The following CNTN6 variants were observed in gnomAD, a reference collection of about 807,000 sequenced individuals.
CNTN6 encodes contactin 6.
In CNTN6, 137 loss-of-function variants were observed where a neutral mutation model predicts 122.8. The observed-to-expected ratio is 1.12, with a 90% CI of 0.97 to 1.29. The LOEUF (loss-of-function observed/expected upper bound fraction) is 1.29, where lower values mean the gene tolerates loss of function less well. Ranked by LOEUF, CNTN6 falls within the 50% of genes most tolerant of loss-of-function variation. The probability of loss-of-function intolerance (pLI) is 0.00; values close to 1 mark genes in which losing one functional copy is unlikely to be tolerated. For missense variants in CNTN6, 1,634 were observed against 1,223.4 expected (o/e 1.34, Z -5.01); for synonymous variants, 570 against 426.0 (o/e 1.34, Z -4.16).
At chr3:1,305,722 AT>A (rs144099783) in intron 7 of CNTN6, among the ~76,000 whole-genome samples, 22,214 of 152,130 alleles carry the variant, frequency 0.15, 1,939 homozygotes, top group African/African-American at 0.25. Context: ...TGGAATGTAA[AT>A]AACATTAGTA....
At chr3:1,403,234 G>C in intron 22 of CNTN6, 84 bp from the exon 23 acceptor site, 1 of 741,386 alleles carries the variant, frequency 1.3e-6, no homozygotes, top group Non-Finnish European at 2.3e-6. Flanking sequence ...AGAAATGATA[G>C]TATGAAATTG....
At chr3:1,099,333 C>A (rs1463085360) in intron 1 of CNTN6, among the ~76,000 whole-genome samples, 1 of 151,824 alleles carries the variant, frequency 6.6e-6, no homozygotes, top group Non-Finnish European at 1.5e-5. Context: ...CGCCTGTAGT[C>A]CCAGCTACTG....
chr3:1,272,675 C>G (rs906343194), intron 4 of CNTN6, among the ~76,000 whole-genome samples: 1 of 152,086 alleles, frequency 6.6e-6, no homozygotes, highest in African/African-American at 2.4e-5. Flanking sequence ...TCAATGGACC[C>G]TGGGTACCCA....
At chr3:1,233,652 G>A (rs977923163) in intron 4 of CNTN6, among the ~76,000 whole-genome samples, 17 of 146,984 alleles carry the variant, frequency 1.2e-4, no homozygotes, top group African/African-American at 3.0e-4. Context: ...GGAGAATCGC[G>A]TGAACCCGGG....
At chr3:1,239,198 G>A (rs1043685207) in intron 4 of CNTN6, among the ~76,000 whole-genome samples, 8 of 152,098 alleles carry the variant, frequency 5.3e-5, no homozygotes, top group African/African-American at 7.2e-5. Flanking sequence ...GAAATAAAGC[G>A]TGTCCAAATT....
At chr3:1,238,900 A>G (rs1382547688) in intron 4 of CNTN6, among the ~76,000 whole-genome samples, 1 of 152,226 alleles carries the variant, frequency 6.6e-6, no homozygotes, top group Non-Finnish European at 1.5e-5. Flanking sequence ...TAGTGAGATT[A>G]ACCAAGAAAA....
intron 1 of CNTN6, among the ~76,000 whole-genome samples, chr3:1,100,362 G>A (rs1164578704): frequency 6.6e-6 from 1 of 152,146 alleles, no homozygotes; most frequent in Non-Finnish European, 1.5e-5. Context: ...TTTTGCTCAT[G>A]AGGGGACTGT....
intron 7 of CNTN6, among the ~76,000 whole-genome samples, chr3:1,316,403 A>C (rs527762347): frequency 6.6e-6 from 1 of 151,594 alleles, no homozygotes; most frequent in African/African-American, 2.4e-5. Context: ...AGCAGAAGGA[A>C]GAGAGAGAGA....
At chr3:1,253,285 T>C (rs2094700252) in intron 4 of CNTN6, among the ~76,000 whole-genome samples, 1 of 152,178 alleles carries the variant, frequency 6.6e-6, no homozygotes, top group South Asian at 2.1e-4. Flanking sequence ...GCATACATTT[T>C]TATTATTCAT....
intron 17 of CNTN6, 39 bp from the exon 18 acceptor site, chr3:1,382,903 T>A: frequency 7.4e-7 from 1 of 1,351,324 alleles, no homozygotes; most frequent in South Asian, 1.2e-5. Flanking sequence ...AATAAAATAT[T>A]TTTGCAAATA....
chr3:1,383,072 A>G lies in CNTN6; in HGVS notation c.2297A>G (p.Glu766Gly). 6.2e-7 allele frequency: 1 copy of G among 1,614,062 alleles called. No individual in the cohort carries two copies. Among genetic ancestry groups the G allele is most frequent in the Non-Finnish European group, 8.5e-7 (1 of 1,179,932 alleles). ...TCATCAAGGTTTGTCTACAGAAATGAAAGCATCATCCCACTGTCTCCCTTT... is the reference window on the plus strand; with the variant it reads ...TCATCAAGGTTTGTCTACAGAAATGGAAGCATCATCCCACTGTCTCCCTTT... ...VESSRFVYRN[E>G]SIIPLSPFEV... The change falls in exon 18 of 23, where the codon GAA (glutamate) becomes GGA (glycine). Residue 766 changes from glutamate (E) to glycine (G), a missense_variant. By Grantham distance (98) the Glu-to-Gly change is moderately conservative. Coordinates refer to ENST00000446702, the MANE Select transcript of CNTN6 (RefSeq NM_001289080.2).
At chr3:1,210,831 T>C (rs2094026246) in intron 2 of CNTN6, among the ~76,000 whole-genome samples, 1 of 152,234 alleles carries the variant, frequency 6.6e-6, no homozygotes, top group Non-Finnish European at 1.5e-5. Flanking sequence ...GGCATTAAAA[T>C]ATAAAATGTT....
chr3:1,306,104 G>A (rs1698312822), intron 7 of CNTN6, among the ~76,000 whole-genome samples: 1 of 152,048 alleles, frequency 6.6e-6, no homozygotes, highest in South Asian at 2.1e-4. Flanking sequence ...AATCACTCAG[G>A]TATCTTAATG....
chr3:1,360,549 A>G (rs1707302992), intron 12 of CNTN6, among the ~76,000 whole-genome samples: 1 of 152,068 alleles, frequency 6.6e-6, no homozygotes, highest in Admixed American at 6.6e-5. Flanking sequence ...ATAAACATAC[A>G]TGTATATTCT....
intron 8 of CNTN6, among the ~76,000 whole-genome samples, chr3:1,325,528 G>T (rs1395596016): frequency 6.6e-6 from 1 of 151,820 alleles, no homozygotes; most frequent in Non-Finnish European, 1.5e-5. Flanking sequence ...CCCTGGCCCT[G>T]TTCTACATTT....
At chr3:1,316,387 G>A (rs1345725095) in intron 7 of CNTN6, among the ~76,000 whole-genome samples, 1 of 151,762 alleles carries the variant, frequency 6.6e-6, no homozygotes, top group East Asian at 1.9e-4. Context: ...TGTCCTACAT[G>A]GCTGGAGCAG....
At chr3:1,360,514 G>A (rs528059049) in intron 12 of CNTN6, among the ~76,000 whole-genome samples, 1 of 151,568 alleles carries the variant, frequency 6.6e-6, no homozygotes, top group African/African-American at 2.4e-5. Context: ...CTAGTTTATG[G>A]TTATATTCAT....
chr3:1,216,769 A>G (rs2094136257), intron 2 of CNTN6, among the ~76,000 whole-genome samples: 1 of 152,214 alleles, frequency 6.6e-6, no homozygotes, highest in Non-Finnish European at 1.5e-5. Context: ...GAGGTTAATA[A>G]AAGAACTTAT....
At chr3:1,380,167 T>TG (rs1710454415) in intron 17 of CNTN6, among the ~76,000 whole-genome samples, 1 of 152,136 alleles carries the variant, frequency 6.6e-6, no homozygotes, top group Non-Finnish European at 1.5e-5. Context: ...CTGTTGGACT[T>TG]TGAAAGGCAC....
Sources: gnomAD v4.1 joint callset for allele counts (sites outside exome capture counted in the v4.1 genomes callset) on GRCh38, gnomAD v4.1.1 for gene constraint, MANE v1.5 for transcripts, NCBI Gene and HGNC (gene_info 2026-07-23, HGNC 2026-07-21) for gene names.